Variants in PDXDC1 observed in about 807,000 individuals in gnomAD.
The protein encoded by PDXDC1 is pyridoxal-dependent decarboxylase domain-containing protein 1.
PDXDC1 carries 42 observed loss-of-function variants against 100.1 expected under a neutral mutation model. That is an observed-to-expected ratio of 0.42 (90% confidence interval 0.33 to 0.54). The LOEUF (loss-of-function observed/expected upper bound fraction) is 0.54, where lower values mean the gene tolerates loss of function less well. Ranked by LOEUF, PDXDC1 falls within the 20% of genes least tolerant of loss-of-function variation. PDXDC1 has a pLI of 0.10. For synonymous variants in PDXDC1, 260 were observed against 371.7 expected (o/e 0.70, Z 3.46); for missense variants, 636 against 979.2 (o/e 0.65, Z 4.68).
intron 16 of PDXDC1, among the ~76,000 whole-genome samples, chr16:15,048,599 G>A (rs1157141457): frequency 6.6e-6 from 1 of 152,014 alleles, no homozygotes; most frequent in Non-Finnish European, 1.5e-5. Flanking sequence ...CAGGAATAGT[G>A]GATGGATGGC....
intron 15 of PDXDC1, chr16:15,029,359 G>A: frequency 2.0e-6 from 1 of 502,914 alleles, no homozygotes; most frequent in Non-Finnish European, 3.4e-6. Flanking sequence ...TTTGGGCACT[G>A]AATAGCAGCT....
At chr16:15,081,269 A>G (rs1485192376) in intron 16 of PDXDC1, among the ~76,000 whole-genome samples, 1 of 152,202 alleles carries the variant, frequency 6.6e-6, no homozygotes, top group Non-Finnish European at 1.5e-5. Context: ...TTAATTCTAC[A>G]TTTAACCTTG....
At chr16:15,032,686 T>C (rs2043141065) in intron 17 of PDXDC1, 175 bp from the exon 18 acceptor site, 1 of 452,226 alleles carries the variant, frequency 2.2e-6, no homozygotes, top group African/African-American at 2.1e-5. Context: ...CCTGTGACTT[T>C]CTCTTTACTC....
chr16:15,141,738 C>G (rs1216488185), downstream of PDXDC1, among the ~76,000 whole-genome samples: 1 of 152,238 alleles, frequency 6.6e-6, no homozygotes, highest in Non-Finnish European at 1.5e-5. Context: ...GCTAGGCATC[C>G]ACACCATCCC....
intron 16 of PDXDC1, chr16:15,131,248 A>C: frequency 1.3e-6 from 2 of 1,592,464 alleles, no homozygotes; most frequent in Non-Finnish European, 1.7e-6. Context: ...GGGCACCTTC[A>C]CGGTGATGGC....
In PDXDC1 at chr16:15,036,019, A is replaced by G. The variant is rs200004285; in HGVS notation, c.2111A>G (p.Gln704Arg). ...GSRTKQRLPG[Q>R]KPFKRSLRGS... ...AGTCTGTCTGCCCTTTCTGTAGGCCAGAAGCCTTTTAAAAGGTCCCTGCGA... is the reference window on the plus strand; with the variant it reads ...AGTCTGTCTGCCCTTTCTGTAGGCCGGAAGCCTTTTAAAAGGTCCCTGCGA... The change falls in exon 23 of 23, where the codon CAG becomes CGG. Residue 704 changes from glutamine to arginine, a missense_variant. Physicochemically the swap from Gln to Arg is conservative, Grantham distance 43. Transcript: ENST00000396410. 1 of 1,612,386 alleles carries G rather than the reference A, an allele frequency of 6.2e-7. No homozygotes were observed. Among genetic ancestry groups the G allele is most frequent in the Non-Finnish European group, 8.5e-7 (1 of 1,179,060 alleles).
chr16:15,034,084 T>A lies in PDXDC1; in HGVS notation c.1813-202T>A, dbSNP rs1029001429. 3 of 593,474 alleles carry A rather than the reference T, an allele frequency of 5.1e-6. No homozygotes were observed. In the African/African-American group the frequency reaches 5.6e-5, roughly 11 times the overall value. The allele number at this position is 593,474 out of a possible 1,614,324, so 36.8% of individuals were successfully genotyped here. On this transcript the variant is annotated intron_variant, in intron 19 of 22. Coordinates refer to ENST00000396410, the MANE Select transcript of PDXDC1 (RefSeq NM_015027.4). The stretch of plus-strand genomic sequence containing the variant: ...TTCAAGAATACGTAGCAAATGAGGC[T>A]GGTCACCAAGGTGTGTCTGCCTAGG...
chr16:14,990,775 C>T (rs1347477093), intron 1 of PDXDC1, among the ~76,000 whole-genome samples: 3 of 152,284 alleles, frequency 2.0e-5, no homozygotes, highest in Admixed American at 1.3e-4. Context: ...CAATCTTGGT[C>T]TGGCGCCAAG....
At chr16:15,088,110 C>A (rs1202658098) in intron 16 of PDXDC1, among the ~76,000 whole-genome samples, 1 of 151,726 alleles carries the variant, frequency 6.6e-6, no homozygotes, top group Admixed American at 6.6e-5. Flanking sequence ...GAGCAAAACT[C>A]CGTCTCAAAA....
chr16:15,047,405 G>T, intron 16 of PDXDC1: 1 of 1,342,090 alleles, frequency 7.5e-7, no homozygotes, highest in African/African-American at 1.4e-5. Context: ...ACGGTTCCAA[G>T]ATCTCAATTC....
At chr16:15,014,274 C>A (rs2041610911) in intron 8 of PDXDC1, among the ~76,000 whole-genome samples, 2 of 151,938 alleles carry the variant, frequency 1.3e-5, no homozygotes, top group African/African-American at 4.8e-5. Flanking sequence ...ACAGGAAAAC[C>A]ATCACTTCCT....
chr16:15,077,694 A>G (rs1468268484), intron 16 of PDXDC1, among the ~76,000 whole-genome samples: 2 of 152,216 alleles, frequency 1.3e-5, no homozygotes, highest in Admixed American at 6.5e-5. Context: ...ACAAAAAATT[A>G]GCCGGGCATG....
intron 16 of PDXDC1, among the ~76,000 whole-genome samples, chr16:15,122,482 TG>T (rs1258705009): frequency 1.4e-5 from 2 of 145,302 alleles, no homozygotes; most frequent in Non-Finnish European, 3.0e-5. Flanking sequence ...CCTAAAGTGC[TG>T]GGATTACAGG....
chr16:15,119,331 TA>T, intron 16 of PDXDC1: 1 of 297,184 alleles, frequency 3.4e-6, no homozygotes, highest in East Asian at 6.5e-5. Flanking sequence ...CTGCCTATAT[TA>T]AAAGAAGCAA....
At chr16:15,109,905 G>T (rs1201851149) in intron 16 of PDXDC1, among the ~76,000 whole-genome samples, 1 of 141,246 alleles carries the variant, frequency 7.1e-6, no homozygotes, top group Admixed American at 7.2e-5. Context: ...TCTAATCCCA[G>T]CACTTTGGGA....
chr16:15,099,418 T>TG (rs1468200424), intron 16 of PDXDC1, among the ~76,000 whole-genome samples: 1 of 48,948 alleles, frequency 2.0e-5, no homozygotes, highest in African/African-American at 7.9e-5. Flanking sequence ...AGACTTGGTC[T>TG]CAAAAAAAAA....
At position 14,975,064 on chromosome 16, in the gene PDXDC1, G is replaced by T; in HGVS notation, c.-136G>T. On this transcript the variant is annotated 5_prime_UTR_variant, in exon 1 of 23. Transcript: ENST00000396410. Reference sequence around the variant, plus strand: ...GGTTCGGCAGCCCGCGGCGCCGCCTGGCAGCTCCTCCTCTTCTCCGCCCCG... The same window carrying T: ...GGTTCGGCAGCCCGCGGCGCCGCCTTGCAGCTCCTCCTCTTCTCCGCCCCG... 1 of 1,511,558 alleles carries T rather than the reference G, an allele frequency of 6.6e-7. No homozygotes were observed. The highest frequency in any genetic ancestry group is 8.8e-7 in the Non-Finnish European group (1 of 1,138,054). The allele number at this position is 1,511,558 out of a possible 1,614,324, so 93.6% of individuals were successfully genotyped here. A position where few individuals can be genotyped will look rare whatever the true frequency, so the allele number is the denominator to read the frequency against.
chr16:15,146,395 G>A, the PDXDC1 span, among the ~76,000 whole-genome samples: 13 of 152,172 alleles, frequency 8.5e-5, no homozygotes, highest in Non-Finnish European at 1.8e-4. Context: ...CGGAACTCAG[G>A]CAGTGCCACT....
chr16:15,012,585 T>C (rs1299043172), intron 8 of PDXDC1, among the ~76,000 whole-genome samples: 4 of 152,270 alleles, frequency 2.6e-5, no homozygotes, highest in Non-Finnish European at 5.9e-5. Flanking sequence ...TGGCTCACAC[T>C]TGTAATCCCA....
Sources: gnomAD v4.1 joint callset for allele counts (sites outside exome capture counted in the v4.1 genomes callset) on GRCh38, gnomAD v4.1.1 for gene constraint, MANE v1.5 for transcripts, NCBI Gene and HGNC (gene_info 2026-07-23, HGNC 2026-07-21) for gene names.